ADAMTSL1: variants seen among roughly 807,000 people sequenced by gnomAD.
ADAMTSL1 encodes ADAMTS like 1.
ADAMTSL1 carries 126 observed loss-of-function variants against 201.8 expected under a neutral mutation model. That is an observed-to-expected ratio of 0.62 (90% CI 0.54 to 0.72). The LOEUF (loss-of-function observed/expected upper bound fraction) is 0.72, where lower values mean the gene tolerates loss of function less well. Among genes scored for constraint, ADAMTSL1 ranks in the 30% least tolerant of loss-of-function variants. ADAMTSL1 has a pLI of 0.00. For missense variants in ADAMTSL1, 2,679 were observed against 2,277.8 expected (o/e 1.18, Z -3.59); for synonymous variants, 1,121 against 903.4 (o/e 1.24, Z -4.32).
intron 1 of ADAMTSL1, among the ~76,000 whole-genome samples, chr9:17,959,084 G>T (rs1817614320): frequency 6.6e-6 from 1 of 152,080 alleles, no homozygotes; most frequent in Non-Finnish European, 1.5e-5. Context: ...ATTTTTATTT[G>T]CCAACATAAA....
intron 1 of ADAMTSL1, among the ~76,000 whole-genome samples, chr9:17,994,797 G>A (rs1259827371): frequency 6.6e-6 from 1 of 152,100 alleles, no homozygotes; most frequent in African/African-American, 2.4e-5. Flanking sequence ...AGACAGGAAT[G>A]TTTATTTAAA....
intron 1 of ADAMTSL1, among the ~76,000 whole-genome samples, chr9:18,498,884 T>G (rs574056762): frequency 6.6e-6 from 1 of 152,336 alleles, no homozygotes; most frequent in African/African-American, 2.4e-5. Flanking sequence ...CCTGGCATGC[T>G]TCCTGGCATG....
intron 2 of ADAMTSL1, among the ~76,000 whole-genome samples, chr9:18,408,898 A>T (rs928851242): frequency 6.6e-6 from 1 of 152,210 alleles, no homozygotes; most frequent in South Asian, 2.1e-4. Context: ...AGAGTAAAAT[A>T]TAATATAGGA....
chr9:18,046,542 C>G (rs1311164204), intron 1 of ADAMTSL1, among the ~76,000 whole-genome samples: 2 of 152,132 alleles, frequency 1.3e-5, no homozygotes, highest in Non-Finnish European at 2.9e-5. Flanking sequence ...AGTAGTCTTT[C>G]ATTTGGTGAC....
At chr9:18,186,854 CACACACAT>C (rs1828758017) in intron 2 of ADAMTSL1, among the ~76,000 whole-genome samples, 1 of 151,888 alleles carries the variant, frequency 6.6e-6, no homozygotes, top group Admixed American at 6.6e-5. Flanking sequence ...CACACACACA[CACACACAT>C]GCACAAACAC....
intron 3 of ADAMTSL1, among the ~76,000 whole-genome samples, chr9:18,557,800 A>G (rs912116273): frequency 3.3e-5 from 5 of 152,032 alleles, no homozygotes; most frequent in Non-Finnish European, 4.4e-5. Context: ...AGCAACTGCA[A>G]TCTCCATATT....
At chr9:18,046,019 C>G (rs1279660089) in intron 1 of ADAMTSL1, among the ~76,000 whole-genome samples, 1 of 152,110 alleles carries the variant, frequency 6.6e-6, no homozygotes, top group East Asian at 1.9e-4. Flanking sequence ...GAATCTGTTC[C>G]TAGCCATTGT....
intron 14 of ADAMTSL1, among the ~76,000 whole-genome samples, chr9:18,715,338 C>A (rs995513952): frequency 1.1e-4 from 16 of 151,960 alleles, no homozygotes; most frequent in African/African-American, 3.1e-4. Context: ...TCTAGAAATC[C>A]CCATTGTCTC....
intron 1 of ADAMTSL1, among the ~76,000 whole-genome samples, chr9:17,970,500 C>T (rs1818163999): frequency 6.6e-6 from 1 of 151,926 alleles, no homozygotes; most frequent in African/African-American, 2.4e-5. Flanking sequence ...ACAGCTTGAC[C>T]CTTCTTTCTT....
intron 1 of ADAMTSL1, among the ~76,000 whole-genome samples, chr9:17,982,316 A>T (rs1818739347): frequency 6.6e-6 from 1 of 152,082 alleles, no homozygotes; most frequent in African/African-American, 2.4e-5. Flanking sequence ...CTATGAATAC[A>T]ATTAAGAATA....
intron 1 of ADAMTSL1, among the ~76,000 whole-genome samples, chr9:18,498,589 C>T (rs890275183): frequency 7.2e-5 from 11 of 152,232 alleles, no homozygotes; most frequent in African/African-American, 2.2e-4. Flanking sequence ...CCGCCCGCCT[C>T]GGCCTCCCAA....
intron 16 of ADAMTSL1, among the ~76,000 whole-genome samples, chr9:18,754,399 C>G (rs889219808): frequency 2.6e-5 from 4 of 152,186 alleles, no homozygotes; most frequent in Non-Finnish European, 4.4e-5. Flanking sequence ...GCAGTTTGCT[C>G]CCTATTAGGA....
intron 14 of ADAMTSL1, among the ~76,000 whole-genome samples, chr9:18,721,087 A>G (rs1345888407): frequency 6.6e-6 from 1 of 152,220 alleles, no homozygotes; most frequent in Non-Finnish European, 1.5e-5. Flanking sequence ...AGTTTACAGA[A>G]TTCTGGATAT....
chr9:18,180,527 C>T (rs561278881), intron 2 of ADAMTSL1, among the ~76,000 whole-genome samples: 14 of 84,690 alleles, frequency 1.7e-4, no homozygotes, highest in South Asian at 9.1e-4. Flanking sequence ...AGCGAGACTC[C>T]GTGTCAAAAA....
chr9:18,504,860 G>T lies in ADAMTSL1; in HGVS notation c.95G>T (p.Arg32Leu). The change falls in exon 2 of 29, where the codon CGG becomes CTG. Residue 32 changes from arginine (R) to leucine (L), a missense_variant. Transcript: ENST00000380548. ...SSRTARSEEDRDGLWDAWGPW... is the reference protein window; with the variant it reads ...SSRTARSEEDLDGLWDAWGPW... ...AGGACCGCACGCTCCGAGGAGGACC[G>T]GGACGGCCTATGGGATGCCTGGGGC... The T allele has an allele frequency of 1.2e-6, 2 of 1,614,028 alleles. No homozygotes were observed. The highest frequency in any genetic ancestry group is 1.7e-6 in the Non-Finnish European group (2 of 1,179,980).
chr9:18,254,614 C>T (rs2493744), intron 2 of ADAMTSL1, among the ~76,000 whole-genome samples: 22,133 of 151,216 alleles, frequency 0.15, 1,670 homozygotes, highest in Non-Finnish European at 0.17. Context: ...CCGCCCGCCT[C>T]GGCCTCCCAA....
chr9:18,380,987 G>T (rs147412801), intron 2 of ADAMTSL1, among the ~76,000 whole-genome samples: 2,279 of 152,296 alleles, frequency 0.015, 23 homozygotes, highest in Non-Finnish European at 0.024. Flanking sequence ...TGTGTCTCCT[G>T]CTAGTTCATC....
At chr9:18,541,623 A>G in intron 3 of ADAMTSL1, among the ~76,000 whole-genome samples, 1 of 152,178 alleles carries the variant, frequency 6.6e-6, no homozygotes, top group East Asian at 1.9e-4. Flanking sequence ...AGTGTTATGT[A>G]GCAGAAAGAA....
intron 19 of ADAMTSL1, among the ~76,000 whole-genome samples, chr9:18,786,782 G>A (rs1821733824): frequency 6.6e-6 from 1 of 152,226 alleles, no homozygotes; most frequent in African/African-American, 2.4e-5. Context: ...GGCATCATGA[G>A]GGGATGTTGA....
Sources: gnomAD v4.1 joint callset for allele counts (sites outside exome capture counted in the v4.1 genomes callset) on GRCh38, gnomAD v4.1.1 for gene constraint, MANE v1.5 for transcripts, NCBI Gene and HGNC (gene_info 2026-07-23, HGNC 2026-07-21) for gene names.